The following SHC1 variants were observed in gnomAD, a reference collection of about 807,000 sequenced individuals.
SHC1 encodes SHC adaptor protein 1.
A neutral mutation model predicts 55.9 loss-of-function variants in SHC1; 30 were observed. That is an observed-to-expected ratio of 0.54 (90% CI 0.40 to 0.73). The LOEUF is 0.73. Ranked by LOEUF, SHC1 falls within the 30% of genes least tolerant of loss-of-function variation. The pLI, the probability that SHC1 is intolerant of heterozygous loss-of-function variation, is 0.00. For missense variants in SHC1, 675 were observed against 777.1 expected, an observed-to-expected ratio of 0.87 and a Z score of 1.56; for synonymous variants, 309 against 306.1, an observed-to-expected ratio of 1.01 and a Z score of -0.10.
upstream of SHC1, among the ~76,000 whole-genome samples, chr1:154,972,041 A>G (rs1424392602): frequency 1.3e-5 from 2 of 152,098 alleles, no homozygotes; most frequent in Admixed American, 6.5e-5. Flanking sequence ...TGAAGTCAGG[A>G]GTTCGAGACC....
At chr1:154,969,723 GGGA>G (rs1439268781) in intron 1 of SHC1, among the ~76,000 whole-genome samples, 2 of 152,006 alleles carry the variant, frequency 1.3e-5, no homozygotes, top group African/African-American at 4.8e-5. Context: ...TCCAGAAAGC[GGGA>G]GGAGAATGGA....
chr1:154,965,226 A>T, intron 11 of SHC1: 1 of 470,958 alleles, frequency 2.1e-6, no homozygotes, highest in South Asian at 2.1e-5. Context: ...TAGTAGAGAC[A>T]GGGTTTCACC....
At position 154,968,235 on chromosome 1, in the gene SHC1, T is replaced by G; in HGVS notation, c.773A>C (p.Gln258Pro). The G allele has an allele frequency of 6.2e-7, 1 of 1,614,100 alleles. No homozygotes were observed. Among genetic ancestry groups the G allele is most frequent in the Non-Finnish European group, 8.5e-7 (1 of 1,180,004 alleles). The change falls in exon 5 of 12, where the codon CAA becomes CCA. Residue 258 changes from glutamine (Q) to proline (P), a missense_variant. Physicochemically the swap from Gln to Pro is moderately conservative, Grantham distance 76. Around this residue, in one of 3 missense-constraint regions of SHC1, gnomAD observed 159 missense variants for 246.9 expected, o/e 0.64. Coordinates refer to ENST00000448116, the MANE Select transcript of SHC1 (RefSeq NM_001130040.2). ...CKQIIANHHM[Q>P]SISFASGGDP... ...CCCGCCGGATGCAAATGAGATAGATTGCATGTGGTGGTTGGCGATGATCTG... is the reference window on the plus strand; with the variant it reads ...CCCGCCGGATGCAAATGAGATAGATGGCATGTGGTGGTTGGCGATGATCTG...
chr1:154,970,178 C>T lies in SHC1; in HGVS notation c.349G>A (p.Gly117Ser), dbSNP rs1469517776. 3 of 1,613,786 alleles carry T rather than the reference C, an allele frequency of 1.9e-6. No homozygotes were observed. Among genetic ancestry groups the T allele is most frequent in the East Asian group, 2.2e-5 (1 of 44,882 alleles). Reference sequence around the variant, plus strand: ...TCCACCCGAGTCCTGCGCCCGCCGCCTCCACTCAGCTTGTTCATGTCCTGG... The same window carrying T: ...TCCACCCGAGTCCTGCGCCCGCCGCTTCCACTCAGCTTGTTCATGTCCTGG... Reference protein sequence around the residue: ...LLQDMNKLSGGGGRRTRVEGG... With the variant: ...LLQDMNKLSGSGGRRTRVEGG... Residue 117 changes from glycine to serine, a missense_variant, in exon 1 of 12, where the codon GGC (glycine) becomes AGC (serine). Gly to Ser is a moderately conservative substitution (Grantham distance 56). Coordinates refer to ENST00000448116, the MANE Select transcript of SHC1 (RefSeq NM_001130040.2). This position sits in a 1 kb window ranked among gnomAD's most constrained non-coding sequence, Gnocchi z 5.5.
At chr1:154,973,425 C>T (rs148868307), upstream of SHC1, 2,734 of 147,384 alleles carry the variant, frequency 0.019, 48 homozygotes, top group Middle Eastern at 0.035. Flanking sequence ...GCAGGAGAAT[C>T]ACTTGAACTC....
chr1:154,969,140 G>A lies in SHC1; in HGVS notation c.566+238C>T, dbSNP rs547243078. ...CCCCTTTTCTACTCCAGCTCCACCT[G>A]CCAGCTGCTTCTGCCACCTTCCCCA... is the stretch of plus-strand genomic sequence containing the variant. On this transcript the variant is annotated intron_variant, in intron 2 of 11. Transcript: ENST00000448116. Among the ~76,000 whole-genome samples, 10 of 152,102 alleles carry A rather than the reference G, an allele frequency of 6.6e-5. 1 individual carries two copies. The South Asian group carries it at 2.1e-3, about 32-fold the overall frequency.
chr1:154,963,940 G>A lies in SHC1; in HGVS notation c.1627-9C>T, dbSNP rs1655592729. On this transcript the variant is annotated splice_polypyrimidine_tract_variant and intron_variant, in intron 11 of 11. Coordinates refer to ENST00000448116, the MANE Select transcript of SHC1 (RefSeq NM_001130040.2). ...TGATCCTTAGTCCGAACCTGGGAGG[G>A]TGGGAAGGAAGAAGGTCAATTCAGG... The A allele has an allele frequency of 2.5e-6, 4 of 1,613,848 alleles. No homozygotes were observed. The highest frequency in any genetic ancestry group is 1.6e-4 in the Middle Eastern group (1 of 6,084).
In SHC1 at chr1:154,963,823, G is replaced by A. The variant is rs1402667667; in HGVS notation, c.1735C>T (p.Pro579Ser). The A allele has an allele frequency of 6.2e-7, 1 of 1,614,084 alleles. No individual in the cohort carries two copies. The highest frequency in any genetic ancestry group is 8.5e-7 in the Non-Finnish European group (1 of 1,180,014). ...SAGSELCLQQ[P>S]VERKL ...GCAGATCACAGTTTCCGCTCCACAGGTTGCTGTAGACACAGTTCGCTGCCC... is the reference window on the plus strand; with the variant it reads ...GCAGATCACAGTTTCCGCTCCACAGATTGCTGTAGACACAGTTCGCTGCCC... Residue 579 changes from proline to serine, a missense_variant, in exon 12 of 12, where the codon CCT becomes TCT. Physicochemically the swap from Pro to Ser is moderately conservative, Grantham distance 74. Transcript: ENST00000448116.
chr1:154,964,076 T>A (rs1473069654), intron 11 of SHC1, 145 bp from the exon 12 acceptor site: 21 of 839,024 alleles, frequency 2.5e-5, no homozygotes, highest in Non-Finnish European at 4.2e-5. Context: ...TCAATCCTGA[T>A]CATTGAGGCT....
At chr1:154,964,022 G>C in intron 11 of SHC1, 91 bp from the exon 12 acceptor site, 4 of 1,415,036 alleles carry the variant, frequency 2.8e-6, no homozygotes, top group Non-Finnish European at 3.0e-6. Context: ...ACAGACAAGA[G>C]GCTTGAAGGA....
At chr1:154,965,121 C>G (rs1417535274) in intron 11 of SHC1, among the ~76,000 whole-genome samples, 1 of 152,192 alleles carries the variant, frequency 6.6e-6, no homozygotes, top group Non-Finnish European at 1.5e-5. Context: ...ATTGCAACCT[C>G]TGCATCCCAG....
chr1:154,964,346 G>A (rs1230439297), intron 11 of SHC1: 2 of 457,444 alleles, frequency 4.4e-6, no homozygotes, highest in Admixed American at 4.7e-5. Context: ...GAACAGCTTG[G>A]GCAACATGGC....
chr1:154,964,317 CTT>C (rs767267109), intron 11 of SHC1: 15 of 468,730 alleles, frequency 3.2e-5, no homozygotes, highest in Non-Finnish European at 6.6e-5. Context: ...AGGCGGATCA[CTT>C]GAGCCCGGGA....
intron 5 of SHC1, 76 bp from the exon 6 acceptor site, chr1:154,968,107 C>G: frequency 6.3e-7 from 1 of 1,590,098 alleles, no homozygotes; most frequent in African/African-American, 1.3e-5. Context: ...TTCAGATATC[C>G]CCACAATCCT....
chr1:154,970,743 T>G lies in SHC1; in HGVS notation c.-217A>C, dbSNP rs573437496. The G allele has an allele frequency of 2.1e-6, 1 of 479,204 alleles. No homozygotes were observed. The highest frequency in any genetic ancestry group is 3.2e-5 in the South Asian group (1 of 31,722). 29.7% of individuals were successfully genotyped at this position (479,204 alleles called of 1,614,324 possible). A position where few individuals can be genotyped will look rare whatever the true frequency, so the allele number is the denominator to read the frequency against. ...CATCCCCGCCCAACGTGGAGCCTCT[T>G]CTCTGGCTGAGAAGAGAACAGGCTG... On this transcript the variant is annotated 5_prime_UTR_variant, in exon 1 of 12. Transcript: ENST00000448116. The surrounding 1 kb of genome is among the most constrained non-coding windows in gnomAD (Gnocchi z 5.5).
rs1455061369 is a variant in SHC1 at position 154,966,173 on chromosome 1, G to A, written c.1241C>T (p.Pro414Leu). 1 of 1,614,168 alleles carries A rather than the reference G, an allele frequency of 6.2e-7. No homozygotes were observed. The highest frequency in any genetic ancestry group is 1.7e-5 in the Admixed American group (1 of 60,024). ...GGCTCCCTTCATACCTGGACAGGGTGGTGGAGGTGGCATCTGTTTGCGGAC... is the reference window on the plus strand; with the variant it reads ...GGCTCCCTTCATACCTGGACAGGGTAGTGGAGGTGGCATCTGTTTGCGGAC... ...PEVRKQMPPPPPCPAGRELFD... is the reference protein window; with the variant it reads ...PEVRKQMPPPLPCPAGRELFD... Residue 414 changes from proline to leucine, a missense_variant, in exon 9 of 12, where the codon CCA (proline) becomes CTA (leucine). Around this residue, in one of 3 missense-constraint regions of SHC1, gnomAD observed 360 missense variants for 371.1 expected, o/e 0.97. Coordinates refer to ENST00000448116, the MANE Select transcript of SHC1 (RefSeq NM_001130040.2).
Position 154,966,370 on chromosome 1 carries a change from A to C in SHC1, c.1131T>G (p.Ala377=). 2 of 1,614,110 alleles carry C rather than the reference A, an allele frequency of 1.2e-6. No homozygotes were observed. The highest frequency in any genetic ancestry group is 1.7e-6 in the Non-Finnish European group (2 of 1,179,988). The change falls in exon 8 of 12, where the codon GCT becomes GCG. Residue 377 remains alanine (A), a synonymous_variant. Transcript: ENST00000448116. ...TCTGGGCATTGGGTGCAGTGGGTCG[A>C]GCAGCCCCTGGAGCGGCTCCTTCCC... The part of the protein sequence containing the change: ...RLREGAAPGA[A]RPTAPNAQTP...
chr1:154,972,442 CT>C (rs1313462954), upstream of SHC1, among the ~76,000 whole-genome samples: 1 of 152,126 alleles, frequency 6.6e-6, no homozygotes, highest in Non-Finnish European at 1.5e-5. Flanking sequence ...CCAGCCAATC[CT>C]GAGAAGGAAT....
Position 154,969,293 on chromosome 1 carries a change from G to A in SHC1, c.566+85C>T, listed in dbSNP as rs191975236. On this transcript the variant is annotated intron_variant, in intron 2 of 11. Transcript: ENST00000448116. ...ACGCAAAGATCAGCCCCCAGCAGCA[G>A]CACCCAAGTGACCCACTCCCCTCCT... The A allele has an allele frequency of 1.1e-4, 100 of 877,288 alleles. No individual in the cohort carries two copies. In the East Asian group the frequency reaches 2.2e-3, roughly 19 times the overall value. The allele number at this position is 877,288 out of a possible 1,614,324, so 54.3% of individuals were successfully genotyped here.
Sources: allele counts gnomAD v4.1 joint callset (sites outside exome capture counted in the v4.1 genomes callset), GRCh38; gene constraint gnomAD v4.1.1; regional missense constraint gnomAD v4.1.1; non-coding constraint Gnocchi (gnomAD v3.1); transcripts MANE v1.5; gene names NCBI Gene and HGNC (gene_info 2026-07-23, HGNC 2026-07-21).